The following AGTPBP1 variants were observed in gnomAD, a reference collection of about 807,000 sequenced individuals.
The protein encoded by AGTPBP1 is cytosolic carboxypeptidase 1.
In AGTPBP1, 70 loss-of-function variants were observed where a neutral mutation model predicts 143.9. The ratio of observed to expected loss-of-function variants is 0.49; its 90% CI spans 0.40 to 0.59. The LOEUF (loss-of-function observed/expected upper bound fraction) is 0.59, where lower values mean the gene tolerates loss of function less well. Ranked by LOEUF, AGTPBP1 falls within the 20% of genes least tolerant of loss-of-function variation. The pLI, the probability that AGTPBP1 is intolerant of heterozygous loss-of-function variation, is 0.00. For missense variants in AGTPBP1, 1,229 were observed against 1,464.5 expected, an observed-to-expected ratio of 0.84 and a Z score of 2.62; for synonymous variants, 463 against 500.2, an observed-to-expected ratio of 0.93 and a Z score of 0.99.
the AGTPBP1 span, among the ~76,000 whole-genome samples, chr9:85,776,640 G>C: frequency 6.6e-6 from 1 of 152,260 alleles, no homozygotes; most frequent in African/African-American, 2.4e-5. Context: ...AGTCACCCCA[G>C]CCAATACTGT....
the AGTPBP1 span, among the ~76,000 whole-genome samples, chr9:85,802,346 C>T: frequency 6.6e-6 from 1 of 152,056 alleles, no homozygotes; most frequent in Non-Finnish European, 1.5e-5. Flanking sequence ...CCTTATCTTC[C>T]CCTTATACTT....
intron 17 of AGTPBP1, among the ~76,000 whole-genome samples, chr9:85,605,045 G>C (rs1267963263): frequency 3.3e-5 from 5 of 152,166 alleles, no homozygotes; most frequent in Non-Finnish European, 5.9e-5. Context: ...AGAGGAGATA[G>C]AGGAAGAGAT....
intron 11 of AGTPBP1, among the ~76,000 whole-genome samples, chr9:85,653,598 C>A (rs1450982461): frequency 6.6e-6 from 1 of 152,148 alleles, no homozygotes; most frequent in Non-Finnish European, 1.5e-5. Context: ...GTGAGAACCA[C>A]CATTTAACCC....
At chr9:85,798,996 G>A in the AGTPBP1 span, among the ~76,000 whole-genome samples, 1 of 151,838 alleles carries the variant, frequency 6.6e-6, no homozygotes, top group Non-Finnish European at 1.5e-5. Flanking sequence ...TATCCCTCCC[G>A]ACAGGCCCTG....
chr9:85,659,775 A>G (rs963854614), intron 9 of AGTPBP1, among the ~76,000 whole-genome samples: 2 of 152,148 alleles, frequency 1.3e-5, no homozygotes, highest in Non-Finnish European at 2.9e-5. Flanking sequence ...CTCCAAATCA[A>G]AAGTATTTGC....
intron 25 of AGTPBP1, among the ~76,000 whole-genome samples, chr9:85,559,356 C>T (rs2132822795): frequency 6.6e-6 from 1 of 151,390 alleles, no homozygotes; most frequent in Middle Eastern, 3.4e-3. Context: ...AAAGAAAGTT[C>T]TATAACTTCT....
intron 25 of AGTPBP1, among the ~76,000 whole-genome samples, chr9:85,560,250 C>A (rs573449475): frequency 3.9e-5 from 6 of 152,258 alleles, no homozygotes; most frequent in African/African-American, 1.4e-4. Flanking sequence ...CATTACAAAG[C>A]CCTAGAAAAG....
At position 85,691,678 on chromosome 9, in the gene AGTPBP1, T is replaced by C. The variant is rs145295711; in HGVS notation, c.157+1011A>G. Reference sequence around the variant, plus strand: ...GATAATGTTATAGTGATATATTTCCTGGTATCTTGCGTTCCTGAAATGTGT... The same window carrying C: ...GATAATGTTATAGTGATATATTTCCCGGTATCTTGCGTTCCTGAAATGTGT... On this transcript the variant is annotated intron_variant, in intron 3 of 25. Coordinates refer to ENST00000357081, the MANE Select transcript of AGTPBP1 (RefSeq NM_001330701.2). 1.5e-4 allele frequency among the ~76,000 whole-genome samples: 23 copies of C among 152,232 alleles called. 1 individual carries two copies. Among genetic ancestry groups the C allele is most frequent in the African/African-American group, 5.5e-4 (23 of 41,558 alleles).
intron 1 of AGTPBP1, among the ~76,000 whole-genome samples, chr9:85,728,281 G>A (rs998047632): frequency 1.3e-5 from 2 of 152,036 alleles, no homozygotes; most frequent in African/African-American, 4.8e-5. Context: ...GTAAGACTGA[G>A]GAAGGAACCC....
the AGTPBP1 span, among the ~76,000 whole-genome samples, chr9:85,757,192 G>A: frequency 5.3e-5 from 8 of 151,972 alleles, no homozygotes; most frequent in African/African-American, 9.7e-5. Flanking sequence ...TCAGCCTCCC[G>A]AGTAGCTCGG....
At chr9:85,596,514 G>A in intron 17 of AGTPBP1, 65 bp from the exon 18 acceptor site, 1 of 1,124,894 alleles carries the variant, frequency 8.9e-7, no homozygotes, top group Non-Finnish European at 1.2e-6. Context: ...AATTAATCTT[G>A]CCTTTGTAGA....
At chr9:85,700,010 C>T (rs191651445) in intron 2 of AGTPBP1, among the ~76,000 whole-genome samples, 3 of 152,242 alleles carry the variant, frequency 2.0e-5, no homozygotes, top group Admixed American at 6.5e-5. Flanking sequence ...TAATGTCTGG[C>T]TCAGTAGAAG....
At chr9:85,588,761 G>A (rs570823077) in intron 20 of AGTPBP1, among the ~76,000 whole-genome samples, 6 of 152,176 alleles carry the variant, frequency 3.9e-5, no homozygotes, top group South Asian at 2.1e-4. Flanking sequence ...TGTAAAATTC[G>A]TTATTTAATA....
At chr9:85,639,916 G>A (rs538790280) in intron 13 of AGTPBP1, among the ~76,000 whole-genome samples, 5 of 152,290 alleles carry the variant, frequency 3.3e-5, no homozygotes, top group South Asian at 4.1e-4. Context: ...CGTTGCCTTC[G>A]AACAGCATTC....
chr9:85,585,368 ATATT>A, intron 23 of AGTPBP1, 91 bp downstream of exon 23: 1 of 1,211,154 alleles, frequency 8.3e-7, no homozygotes, highest in South Asian at 3.0e-5. Flanking sequence ...CAAAATGTCA[ATATT>A]TATTGAATGT....
At chr9:85,794,748 T>G in the AGTPBP1 span, among the ~76,000 whole-genome samples, 4 of 152,216 alleles carry the variant, frequency 2.6e-5, no homozygotes, top group African/African-American at 7.2e-5. Flanking sequence ...ACTGCCATCT[T>G]AGCAATATTC....
At chr9:85,801,074 G>A in the AGTPBP1 span, among the ~76,000 whole-genome samples, 2 of 152,104 alleles carry the variant, frequency 1.3e-5, no homozygotes, top group Non-Finnish European at 2.9e-5. Context: ...CACTTTGGGA[G>A]GCTGAGGTGG....
the AGTPBP1 span, chr9:85,786,343 A>T: frequency 6.2e-7 from 1 of 1,613,760 alleles, no homozygotes; most frequent in Non-Finnish European, 8.5e-7. Context: ...TGAGAATAAA[A>T]CAGAAACAGA....
At chr9:85,770,282 A>G in the AGTPBP1 span, 20 of 1,563,908 alleles carry the variant, frequency 1.3e-5, no homozygotes, top group South Asian at 2.1e-4. Context: ...TGTTATATCT[A>G]GGAAGAACAT....
Sources: allele counts gnomAD v4.1 joint callset (sites outside exome capture counted in the v4.1 genomes callset), GRCh38; gene constraint gnomAD v4.1.1; transcripts MANE v1.5; gene names NCBI Gene and HGNC (gene_info 2026-07-23, HGNC 2026-07-21).